The following ROR2 variants were observed in gnomAD, a reference collection of about 807,000 sequenced individuals.
ROR2 encodes the protein tyrosine-protein kinase transmembrane receptor ROR2.
ROR2 carries 33 observed loss-of-function variants against 74.9 expected under a neutral mutation model. The ratio of observed to expected loss-of-function variants is 0.44; its 90% CI spans 0.33 to 0.59. The LOEUF (loss-of-function observed/expected upper bound fraction) is 0.59. Among genes scored for constraint, ROR2 ranks in the 20% least tolerant of loss-of-function variants. The probability of loss-of-function intolerance (pLI) is 0.02; values close to 1 mark genes in which losing one functional copy is unlikely to be tolerated. For synonymous variants in ROR2, 586 were observed against 558.7 expected (o/e 1.05, Z -0.69); for missense variants, 1,216 against 1,313.8 (o/e 0.93, Z 1.15).
chr9:91,817,928 G>C (rs745815292), intron 1 of ROR2, among the ~76,000 whole-genome samples: 1 of 152,082 alleles, frequency 6.6e-6, no homozygotes, highest in Non-Finnish European at 1.5e-5. Flanking sequence ...TGTTCCAGAC[G>C]ATCTGAAAAT....
chr9:91,879,984 C>T (rs895597462), intron 1 of ROR2, among the ~76,000 whole-genome samples: 1 of 152,094 alleles, frequency 6.6e-6, no homozygotes, highest in African/African-American at 2.4e-5. Flanking sequence ...TACTACAATA[C>T]AAAGCATAGC....
rs1311913004 is a variant in ROR2, at chr9:91,775,807, C to G, written c.109G>C (p.Val37Leu). 3 of 1,614,150 alleles carry G rather than the reference C, an allele frequency of 1.9e-6. 1 individual carries two copies. The South Asian group carries it at 3.3e-5, about 18-fold the overall frequency. Reference protein sequence around the residue: ...SVSRTSGEVEVLDPNDPLGPL... With the variant: ...SVSRTSGEVELLDPNDPLGPL... ...CCTAAAGGGTCGTTCGGATCCAGAA[C>G]CTCCACTTCACCTGGGAAAAAGAAA... is the stretch of plus-strand genomic sequence containing the variant. The change falls in exon 2 of 9, where the codon GTT (valine) becomes CTT (leucine). Residue 37 changes from valine (V) to leucine (L), a missense_variant. Transcript: ENST00000375708.
At chr9:91,890,732 G>A (rs533736281) in intron 1 of ROR2, among the ~76,000 whole-genome samples, 1 of 152,342 alleles carries the variant, frequency 6.6e-6, no homozygotes, top group South Asian at 2.1e-4. Flanking sequence ...GACGACCAGA[G>A]CAGCACTGGA....
chr9:91,876,049 CAAA>C (rs112844159), intron 1 of ROR2, among the ~76,000 whole-genome samples: 6 of 129,936 alleles, frequency 4.6e-5, no homozygotes, highest in Non-Finnish European at 3.4e-5. Context: ...CTGCAGGGGG[CAAA>C]AAAAAAAAAA....
intron 1 of ROR2, among the ~76,000 whole-genome samples, chr9:91,858,293 A>G (rs1270055487): frequency 1.3e-5 from 2 of 152,352 alleles, no homozygotes; most frequent in South Asian, 2.1e-4. Context: ...ACACGCATGC[A>G]TCCACACGGG....
chr9:91,845,948 G>A (rs533279665), intron 1 of ROR2, among the ~76,000 whole-genome samples: 5 of 146,864 alleles, frequency 3.4e-5, no homozygotes, highest in South Asian at 4.3e-4. Flanking sequence ...ATGTCTACAC[G>A]GATGCAACCA....
chr9:91,836,716 C>T (rs984361951), intron 1 of ROR2, among the ~76,000 whole-genome samples: 6 of 151,834 alleles, frequency 4.0e-5, no homozygotes, highest in African/African-American at 9.7e-5. Flanking sequence ...GGAGGAGCTG[C>T]GGCTCACAGG....
chr9:91,895,244 G>C (rs1406434420), intron 1 of ROR2, among the ~76,000 whole-genome samples: 3 of 152,216 alleles, frequency 2.0e-5, no homozygotes, highest in Non-Finnish European at 4.4e-5. Flanking sequence ...GATTGCCAGG[G>C]ATTGGGGAGG....
At chr9:91,945,272 C>G (rs1028725061) in intron 1 of ROR2, among the ~76,000 whole-genome samples, 10 of 152,070 alleles carry the variant, frequency 6.6e-5, no homozygotes, top group Admixed American at 1.3e-4. Flanking sequence ...GCTGTGTGTG[C>G]CTGGTGGCTA....
intron 1 of ROR2, among the ~76,000 whole-genome samples, chr9:91,833,070 C>T (rs528119984): frequency 2.6e-5 from 4 of 152,266 alleles, no homozygotes; most frequent in African/African-American, 9.6e-5. Context: ...CTGCAACACC[C>T]CCAAAGAGGG....
At chr9:91,790,798 A>G (rs1181995079) in intron 1 of ROR2, among the ~76,000 whole-genome samples, 8 of 152,244 alleles carry the variant, frequency 5.3e-5, no homozygotes, top group Non-Finnish European at 8.8e-5. Context: ...AGTGATATGG[A>G]TGGTATGGAC....
Position 91,757,420 on chromosome 9 carries a change from C to A in ROR2, c.315G>T (p.Glu105Asp). ...TCTTCCGGATGATGATCCGCCGCGG[C>A]TCCTGCACCACCGGGGCATCATTCT... Reference protein sequence around the residue: ...WLKNDAPVVQEPRRIIIRKTE... With the variant: ...WLKNDAPVVQDPRRIIIRKTE... Residue 105 changes from glutamate to aspartate, a missense_variant, in exon 3 of 9, where the codon GAG becomes GAT. Transcript: ENST00000375708. 4 of 1,613,890 alleles carry A rather than the reference C, an allele frequency of 2.5e-6. No individual in the cohort carries two copies. Among genetic ancestry groups the A allele is most frequent in the Middle Eastern group, 3.3e-4 (2 of 6,062 alleles).
In ROR2 at chr9:91,724,393, C is replaced by A; in HGVS notation, c.2101G>T (p.Val701Leu). The change falls in exon 9 of 9, where the codon GTG becomes TTG. Residue 701 changes from valine to leucine, a missense_variant. Coordinates refer to ENST00000375708, the MANE Select transcript of ROR2 (RefSeq NM_004560.4). Reference protein sequence around the residue: ...QPYCGYSNQDVVEMIRNRQVL... With the variant: ...QPYCGYSNQDLVEMIRNRQVL... ...TGCCGGTTCCGGATCATCTCCACCA[C>A]ATCCTGGTTGGAGTACCCGCAGTAG... 1 of 1,614,160 alleles carries A rather than the reference C, an allele frequency of 6.2e-7. No individual in the cohort carries two copies. Among genetic ancestry groups the A allele is most frequent in the Non-Finnish European group, 8.5e-7 (1 of 1,180,040 alleles).
At position 91,733,426 on chromosome 9, in the gene ROR2, G is replaced by A. The variant is rs1233767478; in HGVS notation, c.633C>T (p.Thr211=). The part of the protein sequence containing the change: ...EIENRITAAF[T]MIGTSTHLSD... ...ACAGGTGCGTAGACGTGCCGATCATGGTGAAGGCCGCTGCAGAGCCCGCGA... is the reference window on the plus strand; with the variant it reads ...ACAGGTGCGTAGACGTGCCGATCATAGTGAAGGCCGCTGCAGAGCCCGCGA... Residue 211 remains threonine, a synonymous_variant, in exon 6 of 9, where the codon ACC becomes ACT. Coordinates refer to ENST00000375708, the MANE Select transcript of ROR2 (RefSeq NM_004560.4). The surrounding 1 kb of genome is among the most constrained non-coding windows in gnomAD (Gnocchi z 5.7). 1.2e-6 allele frequency: 2 copies of A among 1,610,774 alleles called. No homozygotes were observed. The highest frequency in any genetic ancestry group is 1.3e-5 in the African/African-American group (1 of 74,934).
chr9:91,758,015 C>T (rs191681835), intron 2 of ROR2, among the ~76,000 whole-genome samples: 3 of 152,294 alleles, frequency 2.0e-5, no homozygotes, highest in African/African-American at 7.2e-5. Context: ...CACTTCAGTG[C>T]TGTGCCTGGG....
intron 1 of ROR2, among the ~76,000 whole-genome samples, chr9:91,793,611 A>G (rs751574876): frequency 2.6e-5 from 4 of 152,016 alleles, no homozygotes; most frequent in Non-Finnish European, 2.9e-5. Context: ...AAATACAAAA[A>G]ATTAGCCGGG....
intron 2 of ROR2, among the ~76,000 whole-genome samples, chr9:91,758,283 C>T (rs1464370343): frequency 6.6e-6 from 1 of 152,184 alleles, no homozygotes; most frequent in Non-Finnish European, 1.5e-5. Context: ...CTCACAATTA[C>T]GGAATCTGCA....
At chr9:91,787,363 T>C (rs1826836823) in intron 1 of ROR2, among the ~76,000 whole-genome samples, 1 of 151,916 alleles carries the variant, frequency 6.6e-6, no homozygotes, top group Admixed American at 6.6e-5. Flanking sequence ...ATACAAAAAT[T>C]AGCCATGAGT....
chr9:91,839,487 A>G lies in ROR2; in HGVS notation c.98-63669T>C, dbSNP rs939227401. Reference sequence around the variant, plus strand: ...ATGTGAGGTGTATACGCGTGAGGATATGTGTGCACATGCTGTGGGTATGTG... The same window carrying G: ...ATGTGAGGTGTATACGCGTGAGGATGTGTGTGCACATGCTGTGGGTATGTG... On this transcript the variant is annotated intron_variant, in intron 1 of 8. Transcript: ENST00000375708. Among the ~76,000 whole-genome samples the G allele has an allele frequency of 4.0e-5, 6 of 150,080 alleles. No homozygotes were observed. The East Asian group carries it at 9.9e-4, about 25-fold the overall frequency.
Sources: allele counts gnomAD v4.1 joint callset (sites outside exome capture counted in the v4.1 genomes callset), GRCh38; gene constraint gnomAD v4.1.1; non-coding constraint Gnocchi (gnomAD v3.1); transcripts MANE v1.5; gene names NCBI Gene and HGNC (gene_info 2026-07-23, HGNC 2026-07-21).